The following ZNF521 variants were observed in gnomAD, a reference collection of about 807,000 sequenced individuals.
ZNF521 encodes the protein zinc finger protein 521.
A neutral mutation model predicts 105.5 loss-of-function variants in ZNF521; 14 were observed. That is an observed-to-expected ratio of 0.13 (90% CI 0.09 to 0.21). ZNF521 has a LOEUF of 0.21. Ranked by LOEUF, ZNF521 falls within the 10% of genes least tolerant of loss-of-function variation. The pLI, the probability that ZNF521 is intolerant of heterozygous loss-of-function variation, is 1.00. For synonymous variants in ZNF521, 635 were observed against 606.0 expected (o/e 1.05, Z -0.70); for missense variants, 1,233 against 1,629.7 (o/e 0.76, Z 4.19).
At chr18:25,202,463 A>G (rs573778369) in intron 4 of ZNF521, 6 of 152,164 alleles carry the variant, frequency 3.9e-5, no homozygotes, top group Non-Finnish European at 8.8e-5. Context: ...TCCCGGAACC[A>G]ATCCCCCATG....
At chr18:25,336,709 C>T (rs1323605390) in intron 2 of ZNF521, among the ~76,000 whole-genome samples, 1 of 152,140 alleles carries the variant, frequency 6.6e-6, no homozygotes, top group East Asian at 1.9e-4. Context: ...TCCCTCTAGC[C>T]CCCACAAAAC....
At chr18:25,289,678 G>A (rs1032937688) in intron 3 of ZNF521, among the ~76,000 whole-genome samples, 4 of 152,128 alleles carry the variant, frequency 2.6e-5, no homozygotes, top group Non-Finnish European at 5.9e-5. Context: ...ACTCTCTTGT[G>A]TGTCCAAGAT....
intron 4 of ZNF521, among the ~76,000 whole-genome samples, chr18:25,219,175 G>A (rs989125827): frequency 2.6e-5 from 4 of 152,114 alleles, no homozygotes; most frequent in Non-Finnish European, 5.9e-5. Context: ...TTATGTTATC[G>A]ATAAGTAGGC....
intron 4 of ZNF521, among the ~76,000 whole-genome samples, chr18:25,222,272 T>C (rs1227994808): frequency 6.6e-6 from 1 of 152,204 alleles, no homozygotes; most frequent in Non-Finnish European, 1.5e-5. Context: ...ATAGGCTTTC[T>C]AAATATCACT....
At chr18:25,235,935 A>C (rs1336744820) in intron 3 of ZNF521, among the ~76,000 whole-genome samples, 6 of 131,110 alleles carry the variant, frequency 4.6e-5, no homozygotes, top group African/African-American at 2.0e-4. Flanking sequence ...TATTACTACA[A>C]TTATCCATAT....
chr18:25,281,517 C>A (rs1910380269), intron 3 of ZNF521, among the ~76,000 whole-genome samples: 1 of 152,202 alleles, frequency 6.6e-6, no homozygotes, highest in South Asian at 2.1e-4. Flanking sequence ...ACTTACTCTA[C>A]ATAGTAACAA....
At chr18:25,110,793 C>T (rs989817904) in intron 5 of ZNF521, among the ~76,000 whole-genome samples, 11 of 151,578 alleles carry the variant, frequency 7.3e-5, no homozygotes, top group Admixed American at 6.6e-4. Context: ...GAGAGTCTTG[C>T]TCTGTCACCC....
At position 25,224,585 on chromosome 18, in the gene ZNF521, G is replaced by A. The variant is rs34380309; in HGVS notation, c.3333C>T (p.Pro1111=). The part of the protein sequence containing the change: ...KSASPGINVP[P]GTNRPGLGQN... ...GGCCCAAGCCTGGTCTATTCGTGCC[G>A]GGAGGGACGTTAATGCCTGGGCTGG... is the stretch of plus-strand genomic sequence containing the variant. The change falls in exon 4 of 8, where the codon CCC becomes CCT. Residue 1111 remains proline, a synonymous_variant. Transcript: ENST00000361524. 2.7e-4 allele frequency: 433 copies of A among 1,614,056 alleles called. 1 individual carries two copies. In the African/African-American group the frequency reaches 4.6e-3, roughly 17 times the overall value.
intron 7 of ZNF521, among the ~76,000 whole-genome samples, chr18:25,081,705 C>T (rs1175742865): frequency 1.3e-5 from 2 of 152,182 alleles, no homozygotes; most frequent in Non-Finnish European, 2.9e-5. Flanking sequence ...TTTCTGTATG[C>T]TTGCTTAATT....
intron 5 of ZNF521, among the ~76,000 whole-genome samples, chr18:25,168,553 C>G (rs2035390339): frequency 6.6e-6 from 1 of 152,158 alleles, no homozygotes; most frequent in African/African-American, 2.4e-5. Context: ...CAATAGACAA[C>G]TGCAAAACCT....
intron 2 of ZNF521, among the ~76,000 whole-genome samples, chr18:25,349,877 C>G (rs1026770275): frequency 3.3e-5 from 5 of 150,826 alleles, no homozygotes; most frequent in Non-Finnish European, 7.4e-5. Context: ...CTGGCCCTCG[C>G]CCCGGTTCCC....
chr18:25,318,443 T>A (rs1024719966), intron 3 of ZNF521, among the ~76,000 whole-genome samples: 1 of 152,230 alleles, frequency 6.6e-6, no homozygotes, highest in Non-Finnish European at 1.5e-5. Flanking sequence ...TTATAATTTA[T>A]GAATTTCACT....
chr18:25,093,229 C>T (rs985361876), intron 5 of ZNF521, among the ~76,000 whole-genome samples: 3 of 152,256 alleles, frequency 2.0e-5, no homozygotes, highest in Non-Finnish European at 4.4e-5. Flanking sequence ...GCACTCTGGC[C>T]TCAGGGGACA....
chr18:25,264,945 T>C lies in ZNF521; in HGVS notation c.221-37248A>G, dbSNP rs370713758. 1.4e-4 allele frequency among the ~76,000 whole-genome samples: 21 copies of C among 152,192 alleles called. 1 individual carries two copies. The highest frequency in any genetic ancestry group is 3.4e-3 in the Middle Eastern group (1 of 294). On this transcript the variant is annotated intron_variant, in intron 3 of 7. Coordinates refer to ENST00000361524, the MANE Select transcript of ZNF521 (RefSeq NM_015461.3). ...AGGAAGGAGAAAAGGAAGGAAAAAG[T>C]CTGCAGGAAAATAACAGCATATTCC...
intron 3 of ZNF521, among the ~76,000 whole-genome samples, chr18:25,304,964 A>G (rs1313170063): frequency 6.6e-6 from 1 of 152,220 alleles, no homozygotes. Flanking sequence ...CATAATGCTC[A>G]GCAAAAGATG....
intron 5 of ZNF521, among the ~76,000 whole-genome samples, chr18:25,127,497 A>T (rs890769081): frequency 6.6e-6 from 1 of 152,066 alleles, no homozygotes; most frequent in African/African-American, 2.4e-5. Flanking sequence ...TTAAAAAAGG[A>T]AACTGAGGAA....
intron 3 of ZNF521, among the ~76,000 whole-genome samples, chr18:25,249,258 C>A (rs1381802357): frequency 6.6e-6 from 1 of 151,188 alleles, no homozygotes; most frequent in African/African-American, 2.4e-5. Context: ...TGGGTTCATG[C>A]CATTCTCCTG....
chr18:25,284,341 TCTAG>T (rs975582322), intron 3 of ZNF521, among the ~76,000 whole-genome samples: 1 of 151,958 alleles, frequency 6.6e-6, no homozygotes, highest in African/African-American at 2.4e-5. Context: ...AACGCACTGC[TCTAG>T]CTATCCTTTA....
At chr18:25,278,363 T>C (rs1013123080) in intron 3 of ZNF521, among the ~76,000 whole-genome samples, 1 of 152,182 alleles carries the variant, frequency 6.6e-6, no homozygotes, top group South Asian at 2.1e-4. Context: ...GAGATTCAAG[T>C]AAAGTTAACC....
Sources: gnomAD v4.1 joint callset for allele counts (sites outside exome capture counted in the v4.1 genomes callset) on GRCh38, gnomAD v4.1.1 for gene constraint, MANE v1.5 for transcripts, NCBI Gene and HGNC (gene_info 2026-07-23, HGNC 2026-07-21) for gene names.